Variants in SLC44A5 observed in about 807,000 individuals in gnomAD.
The protein encoded by SLC44A5 is solute carrier family 44 member 5.
In SLC44A5, 57 loss-of-function variants were observed where a neutral mutation model predicts 101.8. The observed-to-expected ratio is 0.56, with a 90% confidence interval of 0.45 to 0.70. SLC44A5 has a LOEUF of 0.70. Among genes scored for constraint, SLC44A5 ranks in the 30% least tolerant of loss-of-function variants. The probability of loss-of-function intolerance (pLI) is 0.00; values close to 1 mark genes in which losing one functional copy is unlikely to be tolerated. For synonymous variants in SLC44A5, 281 were observed against 290.9 expected, an observed-to-expected ratio of 0.97 and a Z score of 0.35; for missense variants, 737 against 853.1, an observed-to-expected ratio of 0.86 and a Z score of 1.70.
At chr1:75,269,058 T>C (rs991632683) in intron 6 of SLC44A5, among the ~76,000 whole-genome samples, 2 of 152,092 alleles carry the variant, frequency 1.3e-5, no homozygotes, top group Admixed American at 6.6e-5. Context: ...CTACTGCCAG[T>C]AGAAAATGAG....
At chr1:75,444,364 G>C (rs1665388382) in intron 2 of SLC44A5, among the ~76,000 whole-genome samples, 2 of 143,952 alleles carry the variant, frequency 1.4e-5, no homozygotes, top group South Asian at 4.5e-4. Context: ...AAGGGAGGGA[G>C]GGAGGGAGGA....
At chr1:75,693,502 T>G in the SLC44A5 span, among the ~76,000 whole-genome samples, 1 of 152,188 alleles carries the variant, frequency 6.6e-6, no homozygotes, top group Non-Finnish European at 1.5e-5. Context: ...AGATAGCTCA[T>G]ATACATTTGC....
At chr1:75,503,873 G>A (rs962226577) in intron 2 of SLC44A5, among the ~76,000 whole-genome samples, 2 of 152,166 alleles carry the variant, frequency 1.3e-5, no homozygotes, top group Non-Finnish European at 2.9e-5. Context: ...GGTCTGTAGT[G>A]TATCCTGCCA....
At chr1:75,431,847 T>C (rs889366696) in intron 2 of SLC44A5, among the ~76,000 whole-genome samples, 1 of 152,112 alleles carries the variant, frequency 6.6e-6, no homozygotes, top group Non-Finnish European at 1.5e-5. Context: ...TGCTCAAAAG[T>C]ATAATTTGCG....
intron 3 of SLC44A5, among the ~76,000 whole-genome samples, chr1:75,388,788 A>AC (rs1204901450): frequency 6.6e-6 from 1 of 151,988 alleles, no homozygotes; most frequent in African/African-American, 2.4e-5. Context: ...AAAAAAAAAA[A>AC]AAACAAACAA....
At chr1:75,488,380 G>T (rs149493568) in intron 2 of SLC44A5, among the ~76,000 whole-genome samples, 1 of 152,198 alleles carries the variant, frequency 6.6e-6, no homozygotes, top group East Asian at 1.9e-4. Flanking sequence ...GTAGGTAATT[G>T]GAACACAATG....
rs371338096 is a variant in SLC44A5, at chr1:75,422,029, A to G, written c.14-25408T>C. On this transcript the variant is annotated intron_variant, in intron 2 of 23. Transcript: ENST00000370859. The stretch of plus-strand genomic sequence containing the variant: ...ACTTGTGACCCCTCTCAGATATTCA[A>G]TAAAATTACTGAACTCAAGAAATAC... Among the ~76,000 whole-genome samples the G allele has an allele frequency of 2.6e-4, 40 of 152,256 alleles. No individual in the cohort carries two copies. The South Asian group carries it at 8.1e-3, about 31-fold the overall frequency.
intron 2 of SLC44A5, among the ~76,000 whole-genome samples, chr1:75,510,491 A>C (rs527559606): frequency 5.1e-4 from 77 of 152,310 alleles, no homozygotes; most frequent in African/African-American, 1.7e-3. Flanking sequence ...AGAAAGAGAC[A>C]TGAGACTTAT....
At chr1:75,206,056 A>C (rs1272524756) in intron 23 of SLC44A5, 1 of 152,312 alleles carries the variant, frequency 6.6e-6, no homozygotes, top group African/African-American at 2.4e-5. Context: ...ATTAACATCT[A>C]TGTTTGTTAT....
chr1:75,692,750 AAAAGAG>A, the SLC44A5 span, among the ~76,000 whole-genome samples: 1 of 152,292 alleles, frequency 6.6e-6, no homozygotes, highest in Admixed American at 6.5e-5. Flanking sequence ...GGTAGGTTTG[AAAAGAG>A]AAAAAGTATG....
intron 3 of SLC44A5, among the ~76,000 whole-genome samples, chr1:75,359,834 T>C (rs1659359837): frequency 6.6e-6 from 1 of 152,162 alleles, no homozygotes; most frequent in Admixed American, 6.6e-5. Flanking sequence ...CCAACACTTG[T>C]TATCTTTCAT....
At chr1:75,584,548 C>T (rs1041640956) in intron 1 of SLC44A5, among the ~76,000 whole-genome samples, 1 of 152,080 alleles carries the variant, frequency 6.6e-6, no homozygotes, top group Non-Finnish European at 1.5e-5. Flanking sequence ...GCCATAAATA[C>T]TGTGTTTGCT....
chr1:75,531,658 T>C (rs990067271), intron 2 of SLC44A5, among the ~76,000 whole-genome samples: 2 of 152,230 alleles, frequency 1.3e-5, no homozygotes, highest in African/African-American at 4.8e-5. Flanking sequence ...TACAGGGACC[T>C]GGCAATGGGA....
At chr1:75,213,491 A>ATC (rs10530971) in intron 22 of SLC44A5, among the ~76,000 whole-genome samples, 1 of 151,170 alleles carries the variant, frequency 6.6e-6, no homozygotes, top group Non-Finnish European at 1.5e-5. Flanking sequence ...GAAAGAGATA[A>ATC]TCTCTCTCTC....
chr1:75,701,829 G>A, the SLC44A5 span, among the ~76,000 whole-genome samples: 2 of 152,140 alleles, frequency 1.3e-5, no homozygotes, highest in Non-Finnish European at 2.9e-5. Context: ...CAAAATCAAT[G>A]TGCAAAAATC....
At chr1:75,590,858 C>T (rs1363228570) in intron 1 of SLC44A5, among the ~76,000 whole-genome samples, 1 of 152,178 alleles carries the variant, frequency 6.6e-6, no homozygotes, top group Non-Finnish European at 1.5e-5. Context: ...CTTCTGAACC[C>T]ACCTGGAGCT....
intron 9 of SLC44A5, among the ~76,000 whole-genome samples, chr1:75,239,826 C>T (rs1648457135): frequency 6.6e-6 from 1 of 152,056 alleles, no homozygotes; most frequent in African/African-American, 2.4e-5. Context: ...GCTTGGCACA[C>T]TGTAGAAATC....
chr1:75,300,775 G>A, intron 4 of SLC44A5, 90 bp from the exon 5 acceptor site: 1 of 712,126 alleles, frequency 1.4e-6, no homozygotes, highest in Non-Finnish European at 2.2e-6. Flanking sequence ...GAAAAAGATA[G>A]TAATAGTGAG....
intron 2 of SLC44A5, among the ~76,000 whole-genome samples, chr1:75,480,151 C>A (rs1377190084): frequency 2.6e-5 from 4 of 152,148 alleles, no homozygotes; most frequent in African/African-American, 9.7e-5. Context: ...ATGACAAAAA[C>A]CACATGATTA....
Sources: gnomAD v4.1 joint callset for allele counts (sites outside exome capture counted in the v4.1 genomes callset) on GRCh38, gnomAD v4.1.1 for gene constraint, MANE v1.5 for transcripts, NCBI Gene and HGNC (gene_info 2026-07-23, HGNC 2026-07-21) for gene names.